ABLIM1: variants seen among roughly 807,000 people sequenced by gnomAD.
ABLIM1 encodes the protein actin-binding LIM protein 1.
Under a neutral mutation model 107.0 loss-of-function variants are expected in ABLIM1, and 40 were observed. The observed-to-expected ratio is 0.37, with a 90% confidence interval of 0.29 to 0.49. The LOEUF (loss-of-function observed/expected upper bound fraction) is 0.49, where lower values mean the gene tolerates loss of function less well. Among genes scored for constraint, ABLIM1 ranks in the 20% least tolerant of loss-of-function variants. The pLI, the probability that ABLIM1 is intolerant of heterozygous loss-of-function variation, is 0.97. For synonymous variants in ABLIM1, 357 were observed against 357.3 expected (o/e 1.00, Z 0.01); for missense variants, 857 against 1,008.5 (o/e 0.85, Z 2.04).
At chr10:114,449,010 G>T (rs956571695) in intron 14 of ABLIM1, among the ~76,000 whole-genome samples, 1 of 152,194 alleles carries the variant, frequency 6.6e-6, no homozygotes, top group Non-Finnish European at 1.5e-5. Flanking sequence ...CAGGAATTTG[G>T]CATTGAAACT....
intron 1 of ABLIM1, among the ~76,000 whole-genome samples, chr10:114,721,638 C>T (rs369283727): frequency 7.9e-5 from 12 of 152,086 alleles, no homozygotes; most frequent in Non-Finnish European, 1.2e-4. Flanking sequence ...TGCACCACTA[C>T]GTCTGGCTAA....
intron 1 of ABLIM1, among the ~76,000 whole-genome samples, chr10:114,741,289 C>T (rs982864792): frequency 2.2e-5 from 3 of 138,938 alleles, no homozygotes; most frequent in African/African-American, 5.4e-5. Context: ...GCAGTGGCGC[C>T]ATCTCAGCTC....
At chr10:114,703,006 T>G (rs530953858) in intron 1 of ABLIM1, among the ~76,000 whole-genome samples, 22 of 152,320 alleles carry the variant, frequency 1.4e-4, no homozygotes, top group Middle Eastern at 6.8e-3. Flanking sequence ...TTTAAATACA[T>G]AAACTTTGGG....
intron 1 of ABLIM1, among the ~76,000 whole-genome samples, chr10:114,761,679 C>T (rs57201267): frequency 0.032 from 4,854 of 152,156 alleles, 252 homozygotes; most frequent in African/African-American, 0.11. Context: ...CTCAGCCTTT[C>T]CCCAAAGTGC....
intron 6 of ABLIM1, among the ~76,000 whole-genome samples, chr10:114,508,657 C>G (rs1287426907): frequency 1.3e-5 from 2 of 152,222 alleles, no homozygotes; most frequent in African/African-American, 4.8e-5. Context: ...CCACTGCATT[C>G]CAGCCTGGGC....
chr10:114,743,184 C>A (rs1267870083), intron 1 of ABLIM1, among the ~76,000 whole-genome samples: 1 of 152,036 alleles, frequency 6.6e-6, no homozygotes, highest in South Asian at 2.1e-4. Flanking sequence ...AGGTAATTTG[C>A]CTAAAAGTGA....
intron 1 of ABLIM1, among the ~76,000 whole-genome samples, chr10:114,743,117 T>C (rs2082319197): frequency 1.3e-5 from 2 of 152,246 alleles, no homozygotes; most frequent in South Asian, 4.2e-4. Flanking sequence ...TATTTGAGGG[T>C]ATAAGTAGTA....
chr10:114,686,753 C>T (rs936478355), upstream of ABLIM1, among the ~76,000 whole-genome samples: 12 of 151,676 alleles, frequency 7.9e-5, no homozygotes, highest in Admixed American at 6.6e-4. Context: ...TTCAGCCTCC[C>T]GAGTAGCTGG....
At position 114,436,325 on chromosome 10, in the gene ABLIM1, G is replaced by T; in HGVS notation, c.2272C>A (p.Gln758Lys). 1 of 1,613,892 alleles carries T rather than the reference G, an allele frequency of 6.2e-7. No individual in the cohort carries two copies. The highest frequency in any genetic ancestry group is 8.5e-7 in the Non-Finnish European group (1 of 1,179,976). The change falls in exon 23 of 23, where the codon CAG becomes AAG. Residue 758 changes from glutamine to lysine, a missense_variant. Physicochemically the swap from Gln to Lys is moderately conservative, Grantham distance 53. Around this residue, in one of 5 missense-constraint regions of ABLIM1, gnomAD observed 193 missense variants for 208.5 expected, o/e 0.93. Transcript: ENST00000533213. Reference protein sequence around the residue: ...VFREIFGMSIQEFDRLPLWRR... With the variant: ...VFREIFGMSIKEFDRLPLWRR... The stretch of plus-strand genomic sequence containing the variant: ...CAAAGAGGTAACCTGTCAAACTCCT[G>T]TATGGACATTCCAAAGATTTCCCGA...
At position 114,583,470 on chromosome 10, in the gene ABLIM1, T is replaced by C. The variant is rs1304681022; in HGVS notation, c.380-7871A>G. 1.9e-3 allele frequency among the ~76,000 whole-genome samples: 18 copies of C among 9,254 alleles called. No homozygotes were observed. In the South Asian group the frequency reaches 0.02, roughly 10 times the overall value. The allele number at this position is 9,254 out of a possible 152,430, so 6.1% of individuals were successfully genotyped here. On this transcript the variant is annotated intron_variant, in intron 2 of 22. Coordinates refer to ENST00000533213, the MANE Select transcript of ABLIM1 (RefSeq NM_002313.7). Reference sequence around the variant, plus strand: ...ACACACACACACACACACACACACATATATATATATATATATATATATATA... The same window carrying C: ...ACACACACACACACACACACACACACATATATATATATATATATATATATA...
At chr10:114,561,210 T>C (rs1307287571) in intron 4 of ABLIM1, among the ~76,000 whole-genome samples, 2 of 152,232 alleles carry the variant, frequency 1.3e-5, no homozygotes, top group Admixed American at 6.5e-5. Flanking sequence ...GAAATCATAC[T>C]TGAGTTCTAC....
chr10:114,566,474 A>T (rs1028295896), intron 4 of ABLIM1, among the ~76,000 whole-genome samples: 2 of 152,210 alleles, frequency 1.3e-5, no homozygotes, highest in African/African-American at 4.8e-5. Flanking sequence ...TGGTAAATAC[A>T]TGAAGAAGGG....
chr10:114,491,012 G>GTGTGTGTGTGTGTGTGTA, intron 7 of ABLIM1, among the ~76,000 whole-genome samples: 1 of 92,396 alleles, frequency 1.1e-5, no homozygotes, highest in Non-Finnish European at 2.0e-5. Context: ...GTGTGTGTGT[G>GTGTGTGTGTGTGTGTGTA]TATATATATA....
intron 10 of ABLIM1, among the ~76,000 whole-genome samples, chr10:114,472,029 G>T (rs1249678113): frequency 6.6e-6 from 1 of 151,970 alleles, no homozygotes; most frequent in East Asian, 1.9e-4. Flanking sequence ...GGGCTGAGAG[G>T]CTCTGGTCCC....
chr10:114,536,236 T>C (rs1167672982), intron 6 of ABLIM1, among the ~76,000 whole-genome samples: 6 of 16,884 alleles, frequency 3.6e-4, no homozygotes, highest in Non-Finnish European at 7.1e-4. Context: ...TGTTTTTTTT[T>C]TTTTTTTTTT....
intron 1 of ABLIM1, among the ~76,000 whole-genome samples, chr10:114,622,117 T>C (rs879643041): frequency 1.1e-4 from 17 of 152,350 alleles, no homozygotes; most frequent in Admixed American, 3.9e-4. Context: ...AGATGGTCCA[T>C]GGACCCAGGC....
At chr10:114,625,886 C>G (rs1048565754) in intron 1 of ABLIM1, among the ~76,000 whole-genome samples, 16 of 152,144 alleles carry the variant, frequency 1.1e-4, no homozygotes, top group African/African-American at 3.6e-4. Flanking sequence ...TACTACTTAC[C>G]TTGATGGGTT....
chr10:114,452,090 T>C (rs2062003983), intron 13 of ABLIM1, among the ~76,000 whole-genome samples: 1 of 152,192 alleles, frequency 6.6e-6, no homozygotes, highest in Admixed American at 6.5e-5. Flanking sequence ...CAATTTACTT[T>C]TCAACTAATG....
intron 2 of ABLIM1, among the ~76,000 whole-genome samples, chr10:114,576,254 A>T (rs916062301): frequency 3.3e-5 from 5 of 152,214 alleles, no homozygotes; most frequent in African/African-American, 1.2e-4. Context: ...GCTGTGGATT[A>T]GGGAGATGGT....
Sources: gnomAD v4.1 joint callset for allele counts (sites outside exome capture counted in the v4.1 genomes callset) on GRCh38, gnomAD v4.1.1 for gene constraint, gnomAD v4.1.1 regional missense constraint, MANE v1.5 for transcripts, NCBI Gene and HGNC (gene_info 2026-07-23, HGNC 2026-07-21) for gene names.